FIBCD1: variants seen among roughly 807,000 people sequenced by gnomAD.
FIBCD1 encodes fibrinogen C domain-containing protein 1.
FIBCD1 carries 47 observed loss-of-function variants against 45.1 expected under a neutral mutation model. That is an observed-to-expected ratio of 1.04 (90% CI 0.82 to 1.33). The LOEUF (loss-of-function observed/expected upper bound fraction) is 1.33. FIBCD1 is among the 40% of genes most tolerant of loss of function. FIBCD1 has a pLI of 0.00. For missense variants in FIBCD1, 653 were observed against 682.2 expected, an observed-to-expected ratio of 0.96 and a Z score of 0.48; for synonymous variants, 313 against 308.1, an observed-to-expected ratio of 1.02 and a Z score of -0.17.
At chr9:130,912,954 A>G (rs1193710197) in intron 4 of FIBCD1, among the ~76,000 whole-genome samples, 1 of 152,078 alleles carries the variant, frequency 6.6e-6, no homozygotes, top group Middle Eastern at 3.2e-3. Context: ...CCCCAAAACA[A>G]GCCTGGGGCA....
Position 130,910,370 on chromosome 9 carries a change from T to C in FIBCD1, c.946+1422A>G, listed in dbSNP as rs560560282. On this transcript the variant is annotated intron_variant, in intron 5 of 6. Transcript: ENST00000372338. ...TAGCTGCCTTCCCGCGGGCCAGGGC[T>C]CGGGACCTGCAGCCCGCCATGCCTG... Among the ~76,000 whole-genome samples the C allele has an allele frequency of 2.1e-4, 32 of 152,298 alleles. No homozygotes were observed. In the South Asian group the frequency reaches 6.6e-3, roughly 32 times the overall value.
At chr9:130,931,439 G>A (rs745522126) in intron 1 of FIBCD1, among the ~76,000 whole-genome samples, 5 of 152,222 alleles carry the variant, frequency 3.3e-5, no homozygotes, top group Non-Finnish European at 7.3e-5. Flanking sequence ...AACTTGGGAG[G>A]TGGAGGTTAC....
chr9:130,916,376 G>A (rs573838190), intron 4 of FIBCD1, among the ~76,000 whole-genome samples: 24 of 152,242 alleles, frequency 1.6e-4, no homozygotes, highest in Non-Finnish European at 2.4e-4. Flanking sequence ...GCCACGGGCT[G>A]TCCTGATTTC....
At chr9:130,919,065 C>T (rs571867746) in intron 4 of FIBCD1, among the ~76,000 whole-genome samples, 33 of 152,288 alleles carry the variant, frequency 2.2e-4, no homozygotes, top group Admixed American at 7.8e-4. Flanking sequence ...GCTTGGCAGT[C>T]GGCGCCTGCC....
intron 6 of FIBCD1, among the ~76,000 whole-genome samples, chr9:130,904,543 G>A (rs918585960): frequency 6.6e-6 from 1 of 152,172 alleles, no homozygotes; most frequent in Admixed American, 6.5e-5. Flanking sequence ...GTCCCTTCTC[G>A]GGCGTGCCTG....
chr9:130,909,666 AG>A (rs1832000443), intron 5 of FIBCD1, among the ~76,000 whole-genome samples: 1 of 152,128 alleles, frequency 6.6e-6, no homozygotes. Flanking sequence ...AGGACCTCAA[AG>A]TTGTGATTCT....
At chr9:130,924,942 T>A (rs1016303099) in intron 2 of FIBCD1, among the ~76,000 whole-genome samples, 5 of 152,028 alleles carry the variant, frequency 3.3e-5, no homozygotes, top group Admixed American at 2.6e-4. Flanking sequence ...GCACACCAAG[T>A]TCCCACAGCA....
At chr9:130,915,609 AG>A (rs1832144521) in intron 4 of FIBCD1, among the ~76,000 whole-genome samples, 1 of 152,208 alleles carries the variant, frequency 6.6e-6, no homozygotes, top group Non-Finnish European at 1.5e-5. Flanking sequence ...AGGCTGAGGC[AG>A]GATAATCACT....
chr9:130,904,347 T>C, intron 6 of FIBCD1, 24 bp from the exon 7 acceptor site: 1 of 1,582,738 alleles, frequency 6.3e-7, no homozygotes. Context: ...CACACAGGTG[T>C]GGGCACGGGG....
chr9:130,924,292 C>G lies in FIBCD1; in HGVS notation c.657G>C (p.Lys219Asn). ...RDRGLGRPRN[K>N]ADLQRAPARG... ...GGGCAGGCGCTCTCTGAAGGTCGGC[C>G]TTGTTGCGGGGCCGGCCCAGCCCCC... Residue 219 changes from lysine (K) to asparagine (N), a missense_variant, in exon 3 of 7, where the codon AAG (lysine) becomes AAC (asparagine). Physicochemically the swap from Lys to Asn is moderately conservative, Grantham distance 94. Coordinates refer to ENST00000372338, the MANE Select transcript of FIBCD1 (RefSeq NM_032843.5). The G allele has an allele frequency of 6.2e-7, 1 of 1,604,286 alleles. No homozygotes were observed. Among genetic ancestry groups the G allele is most frequent in the Non-Finnish European group, 8.5e-7 (1 of 1,176,990 alleles).
intron 4 of FIBCD1, among the ~76,000 whole-genome samples, chr9:130,917,863 G>T (rs1832194238): frequency 6.6e-6 from 1 of 152,176 alleles, no homozygotes; most frequent in South Asian, 2.1e-4. Flanking sequence ...GAGGAGTGGG[G>T]ATGAGAGTGC....
chr9:130,931,700 C>T (rs1056580276), intron 1 of FIBCD1, among the ~76,000 whole-genome samples: 1 of 152,194 alleles, frequency 6.6e-6, no homozygotes, highest in Non-Finnish European at 1.5e-5. Flanking sequence ...GCATTACACA[C>T]AAGGGAAAAC....
At chr9:130,936,902 A>C (rs893537761) in intron 1 of FIBCD1, among the ~76,000 whole-genome samples, 1 of 151,500 alleles carries the variant, frequency 6.6e-6, no homozygotes, top group Non-Finnish European at 1.5e-5. Context: ...GGCATCAGGA[A>C]GTCTTCCTGG....
At chr9:130,914,745 T>A (rs1286010933) in intron 4 of FIBCD1, among the ~76,000 whole-genome samples, 2 of 152,032 alleles carry the variant, frequency 1.3e-5, no homozygotes, top group African/African-American at 4.8e-5. Context: ...CTGGGACGCC[T>A]GGAACCAATG....
intron 1 of FIBCD1, among the ~76,000 whole-genome samples, chr9:130,930,490 G>A (rs1376444363): frequency 2.6e-5 from 4 of 151,264 alleles, no homozygotes; most frequent in Non-Finnish European, 4.4e-5. Context: ...AGATGGAGAC[G>A]GACAGGATGG....
At position 130,904,241 on chromosome 9, in the gene FIBCD1, G is replaced by A. The variant is rs1163692354; in HGVS notation, c.1209C>T (p.Ala403=). 3.1e-6 allele frequency: 5 copies of A among 1,613,632 alleles called. No individual in the cohort carries two copies. Among genetic ancestry groups the A allele is most frequent in the Non-Finnish European group, 4.2e-6 (5 of 1,180,010 alleles). ...DSDHSENNCA[A]FYRGAWWYRN... The stretch of plus-strand genomic sequence containing the variant: ...GGTACCACCAGGCACCGCGGTAGAA[G>A]GCGGCACAGTTGTTCTCTGAATGGT... The change falls in exon 7 of 7, where the codon GCC becomes GCT. Residue 403 remains alanine, a synonymous_variant. Transcript: ENST00000372338.
rs753831530 is a variant in FIBCD1 at position 130,905,349 on chromosome 9, G to A, written c.1011C>T (p.Asp337=). 2 of 1,613,920 alleles carry A rather than the reference G, an allele frequency of 1.2e-6. No homozygotes were observed. Among genetic ancestry groups the A allele is most frequent in the Non-Finnish European group, 1.7e-6 (2 of 1,179,982 alleles). The part of the protein sequence containing the change: ...AAYELHVDLE[D]FENGTAYARY... The stretch of plus-strand genomic sequence containing the variant: ...GGGCATAGGCCGTGCCATTCTCAAA[G>A]TCCTCCAGGTCCACGTGCAGCTCGT... The change falls in exon 6 of 7, where the codon GAC becomes GAT. Residue 337 remains aspartate (D), a synonymous_variant. Coordinates refer to ENST00000372338, the MANE Select transcript of FIBCD1 (RefSeq NM_032843.5).
intron 6 of FIBCD1, 36 bp from the exon 7 acceptor site, chr9:130,904,359 G>A (rs925466018): frequency 7.0e-6 from 11 of 1,566,908 alleles, no homozygotes; most frequent in African/African-American, 1.3e-5. Flanking sequence ...GGCACGGGGG[G>A]CACGGGTACA....
intron 4 of FIBCD1, among the ~76,000 whole-genome samples, chr9:130,914,621 T>C (rs954626753): frequency 1.3e-5 from 2 of 152,214 alleles, no homozygotes; most frequent in Admixed American, 6.5e-5. Flanking sequence ...CAGCTGTGCC[T>C]CTTCCTAAAG....
Sources: gnomAD v4.1 joint callset for allele counts (sites outside exome capture counted in the v4.1 genomes callset) on GRCh38, gnomAD v4.1.1 for gene constraint, MANE v1.5 for transcripts, NCBI Gene and HGNC (gene_info 2026-07-23, HGNC 2026-07-21) for gene names.